The following RABL6 variants were observed in gnomAD, a reference collection of about 807,000 sequenced individuals.
RABL6 encodes RAB, member RAS oncogene family like 6.
In RABL6, 28 loss-of-function variants were observed where a neutral mutation model predicts 72.9. The ratio of observed to expected loss-of-function variants is 0.38; its 90% CI spans 0.28 to 0.53. RABL6 has a LOEUF of 0.53. Among genes scored for constraint, RABL6 ranks in the 20% least tolerant of loss-of-function variants. RABL6 has a pLI of 0.80. For missense variants in RABL6, 1,029 were observed against 1,008.4 expected (o/e 1.02, Z -0.28); for synonymous variants, 477 against 421.2 (o/e 1.13, Z -1.62).
chr9:136,833,634 T>C, intron 7 of RABL6: 6 of 1,525,770 alleles, frequency 3.9e-6, no homozygotes, highest in Non-Finnish European at 5.3e-6. Flanking sequence ...CTGGGGGACC[T>C]GAACCTCCTC....
intron 5 of RABL6, 94 bp downstream of exon 5, chr9:136,829,578 C>T (rs1848429391): frequency 8.9e-7 from 1 of 1,128,770 alleles, no homozygotes; most frequent in Non-Finnish European, 1.3e-6. Flanking sequence ...GTTAGAGCAG[C>T]ATCGTTCTGC....
intron 1 of RABL6, among the ~76,000 whole-genome samples, chr9:136,822,869 A>AC (rs1471960436): frequency 6.6e-6 from 1 of 152,188 alleles, no homozygotes; most frequent in Non-Finnish European, 1.5e-5. Flanking sequence ...CGGGCGGATC[A>AC]CGAGGTCAGG....
chr9:136,821,565 G>C, intron 1 of RABL6: 1 of 985,444 alleles, frequency 1.0e-6, no homozygotes. Flanking sequence ...ATCTGGGGGG[G>C]ACGGCGGCCG....
chr9:136,815,897 G>T (rs186990964), intron 1 of RABL6, among the ~76,000 whole-genome samples: 2 of 152,310 alleles, frequency 1.3e-5, no homozygotes, highest in Admixed American at 6.5e-5. Flanking sequence ...TAGAACAGAG[G>T]TCGTGTTCAC....
At chr9:136,836,752 C>T in intron 8 of RABL6, 1 of 166,242 alleles carries the variant, frequency 6.0e-6, no homozygotes. Context: ...GGTCCAGTTG[C>T]TGCCATCTGG....
intron 7 of RABL6, chr9:136,833,760 TC>T: frequency 1.1e-5 from 17 of 1,550,484 alleles, no homozygotes; most frequent in Non-Finnish European, 1.5e-5. Flanking sequence ...TGTGCTGTCG[TC>T]CTGGTGTCAG....
chr9:136,823,685 G>C (rs369554307), intron 2 of RABL6, 26 bp downstream of exon 2: 6 of 1,583,440 alleles, frequency 3.8e-6, no homozygotes, highest in Non-Finnish European at 4.3e-6. Context: ...GCCCCAGTGG[G>C]TTCGGGCTCC....
rs755096236 is a variant in RABL6 at position 136,840,767 on chromosome 9, C to A, written c.*245C>A. 1 of 1,548,182 alleles carries A rather than the reference C, an allele frequency of 6.5e-7. No homozygotes were observed. The highest frequency in any genetic ancestry group is 2.4e-5 in the East Asian group (1 of 40,896). On this transcript the variant is annotated 3_prime_UTR_variant, in exon 15 of 15. Coordinates refer to ENST00000311502, the MANE Select transcript of RABL6 (RefSeq NM_024718.5). ...TGGCTTCAGCCAGGCTCGGTGGACA[C>A]CCTGGCCCTCTCGGGGCAGAGCCGC... is the stretch of plus-strand genomic sequence containing the variant.
chr9:136,811,138 C>T (rs1179779606), intron 1 of RABL6, among the ~76,000 whole-genome samples: 1 of 152,178 alleles, frequency 6.6e-6, no homozygotes, highest in Non-Finnish European at 1.5e-5. Context: ...ATATGAGTGA[C>T]CATGGCTCGT....
intron 1 of RABL6, among the ~76,000 whole-genome samples, chr9:136,816,434 G>A (rs1056583896): frequency 6.6e-6 from 1 of 151,680 alleles, no homozygotes; most frequent in Non-Finnish European, 1.5e-5. Flanking sequence ...TAGAGGTTAA[G>A]TTGGGCATGG....
At chr9:136,837,728 G>C in intron 9 of RABL6, 66 bp downstream of exon 9, 1 of 1,545,806 alleles carries the variant, frequency 6.5e-7, no homozygotes, top group Non-Finnish European at 8.7e-7. Context: ...GTGGGGTCCT[G>C]GATTTCGGAG....
At chr9:136,823,263 C>A (rs1350879906) in intron 1 of RABL6, among the ~76,000 whole-genome samples, 3 of 143,356 alleles carry the variant, frequency 2.1e-5, no homozygotes, top group Admixed American at 1.3e-4. Flanking sequence ...AAAGCCTGAC[C>A]TGGCTCCAAG....
At chr9:136,833,747 G>C in intron 7 of RABL6, 1 of 1,550,488 alleles carries the variant, frequency 6.4e-7, no homozygotes, top group Non-Finnish European at 8.7e-7. Context: ...CCAGGAAAGG[G>C]GCTGTGCTGT....
At chr9:136,813,504 T>C in intron 1 of RABL6, 2 of 448,258 alleles carry the variant, frequency 4.5e-6, no homozygotes, top group East Asian at 4.3e-5. Flanking sequence ...CTCTGTTCCC[T>C]GCGTTTCTTC....
intron 5 of RABL6, among the ~76,000 whole-genome samples, chr9:136,829,820 C>T (rs56133623): frequency 0.15 from 22,505 of 152,258 alleles, 1,808 homozygotes; most frequent in Admixed American, 0.19. Context: ...GGGCTCCCCG[C>T]GACCTCCGTC....
intron 1 of RABL6, among the ~76,000 whole-genome samples, chr9:136,810,902 CAG>C (rs1411755619): frequency 6.6e-6 from 1 of 152,176 alleles, no homozygotes. Flanking sequence ...GTGATCAAGA[CAG>C]AGTCGAGGGT....
chr9:136,838,050 C>T (rs1388658364), intron 10 of RABL6, 35 bp downstream of exon 10: 103 of 1,548,194 alleles, frequency 6.7e-5, no homozygotes, highest in Non-Finnish European at 8.9e-5. Flanking sequence ...CTCCCATTGC[C>T]CCCCAGCCTC....
In RABL6 at chr9:136,839,720, C is replaced by T; in HGVS notation, c.1785C>T (p.Pro595=). ...ATGACTTTCCCGTGCGAGATGACCC[C>T]TCCGATGTGACTGACGAGGATGAGG... ...RADDFPVRDD[P]SDVTDEDEGP... is the part of the protein sequence containing the mutation. Residue 595 remains proline (P), a synonymous_variant, in exon 13 of 15, where the codon CCC becomes CCT. Transcript: ENST00000311502. 5 of 1,604,078 alleles carry T rather than the reference C, an allele frequency of 3.1e-6. No individual in the cohort carries two copies. The highest frequency in any genetic ancestry group is 4.3e-6 in the Non-Finnish European group (5 of 1,174,382).
intron 10 of RABL6, 98 bp from the exon 11 acceptor site, chr9:136,838,811 G>A: frequency 8.9e-7 from 1 of 1,125,544 alleles, no homozygotes; most frequent in Non-Finnish European, 1.2e-6. Flanking sequence ...CCACGGCCAG[G>A]GTGTGCTGGG....
Sources: gnomAD v4.1 joint callset for allele counts (sites outside exome capture counted in the v4.1 genomes callset) on GRCh38, gnomAD v4.1.1 for gene constraint, MANE v1.5 for transcripts, NCBI Gene and HGNC (gene_info 2026-07-23, HGNC 2026-07-21) for gene names.